TMEM170B: variants seen among roughly 807,000 people sequenced by gnomAD.
The protein encoded by TMEM170B is transmembrane protein 170B.
In TMEM170B, 6 loss-of-function variants were observed where a neutral mutation model predicts 13.0. The ratio of observed to expected loss-of-function variants is 0.46; its 90% CI spans 0.25 to 0.91. The LOEUF is 0.91. Ranked by LOEUF, TMEM170B falls within the 40% of genes least tolerant of loss-of-function variation. The pLI, the probability that TMEM170B is intolerant of heterozygous loss-of-function variation, is 0.17. For missense variants in TMEM170B, 138 were observed against 165.2 expected, an observed-to-expected ratio of 0.84 and a Z score of 0.90; for synonymous variants, 61 against 64.9, an observed-to-expected ratio of 0.94 and a Z score of 0.29.
In TMEM170B at chr6:11,575,662, G is replaced by A; in HGVS notation, c.*101G>A. On this transcript the variant is annotated 3_prime_UTR_variant, in exon 3 of 3. Transcript: ENST00000379426. The surrounding 1 kb of genome is among the most constrained non-coding windows in gnomAD (Gnocchi z 4.1). The stretch of plus-strand genomic sequence containing the variant: ...TGGAAATGAAATTGTGCAAGAATGT[G>A]GACTGAGCAGGTCAAAGCATAAGGA... 1.4e-6 allele frequency: 2 copies of A among 1,423,572 alleles called. No individual in the cohort carries two copies. Among genetic ancestry groups the A allele is most frequent in the East Asian group, 2.3e-5 (1 of 43,510 alleles). The allele number at this position is 1,423,572 out of a possible 1,614,324, so 88.2% of individuals were successfully genotyped here. A position where few individuals can be genotyped will look rare whatever the true frequency, so the allele number is the denominator to read the frequency against.
At chr6:11,572,444 AT>A (rs1237625035) in intron 2 of TMEM170B, among the ~76,000 whole-genome samples, 1 of 152,110 alleles carries the variant, frequency 6.6e-6, no homozygotes, top group Non-Finnish European at 1.5e-5. Flanking sequence ...TAACTTTTTC[AT>A]TGTATACCAA....
chr6:11,554,051 T>C (rs1759557960), intron 1 of TMEM170B, among the ~76,000 whole-genome samples: 1 of 152,186 alleles, frequency 6.6e-6, no homozygotes, highest in Non-Finnish European at 1.5e-5. Context: ...TCCCTGGTTA[T>C]GCTTGTATTT....
chr6:11,542,905 A>G (rs977741971), intron 1 of TMEM170B, among the ~76,000 whole-genome samples: 6 of 152,206 alleles, frequency 3.9e-5, no homozygotes, highest in Non-Finnish European at 8.8e-5. Context: ...AACTCTTCAA[A>G]GTACATTTGA....
intron 1 of TMEM170B, among the ~76,000 whole-genome samples, chr6:11,558,167 G>C: frequency 6.6e-6 from 1 of 152,090 alleles, no homozygotes; most frequent in Non-Finnish European, 1.5e-5. Flanking sequence ...TTTAAAAGGA[G>C]ATATGATTCT....
intron 1 of TMEM170B, among the ~76,000 whole-genome samples, chr6:11,539,778 A>G (rs1010016255): frequency 1.3e-5 from 2 of 152,216 alleles, no homozygotes; most frequent in African/African-American, 4.8e-5. Context: ...GCTTGCATTT[A>G]TCCACTGTTT....
intron 2 of TMEM170B, among the ~76,000 whole-genome samples, chr6:11,573,330 C>T (rs949420097): frequency 6.6e-6 from 1 of 152,056 alleles, no homozygotes; most frequent in African/African-American, 2.4e-5. Context: ...TTTGAAATGG[C>T]TACCAGTCAT....
rs1759910343 is a variant in TMEM170B, at chr6:11,578,635, G to A, written c.*3074G>A. ...AGTCCTAAATGATGGCTATCTTCAG[G>A]GCCTGGAGCAGAATTATTCTTTAGA... On this transcript the variant is annotated 3_prime_UTR_variant, in exon 3 of 3. Transcript: ENST00000379426. 6.6e-6 allele frequency: 1 copy of A among 152,060 alleles called. No homozygotes were observed. Among genetic ancestry groups the A allele is most frequent in the Non-Finnish European group, 1.5e-5 (1 of 67,978 alleles). 9.4% of individuals were successfully genotyped at this position (152,060 alleles called of 1,614,324 possible). A position where few individuals can be genotyped will look rare whatever the true frequency, so the allele number is the denominator to read the frequency against.
rs11292699 is a variant in TMEM170B, at chr6:11,560,330, ATTT to A, written c.98-5322_98-5320del. Among the ~76,000 whole-genome samples, 174 of 139,828 alleles carry A rather than the reference ATTT, an allele frequency of 1.2e-3. 3 individuals are homozygous for A. The East Asian group carries it at 0.027, about 22-fold the overall frequency. The allele number at this position is 139,828 out of a possible 152,430, so 91.7% of individuals were successfully genotyped here. The stretch of plus-strand genomic sequence containing the variant: ...CAGGTGCCCGCCACCACGCCCAGCT[ATTT>A]TTTTTTTTTTTTTAATTTTTAGTAG... On this transcript the variant is annotated intron_variant, in intron 1 of 2. Coordinates refer to ENST00000379426, the MANE Select transcript of TMEM170B (RefSeq NM_001100829.3).
chr6:11,575,482 T>C lies in TMEM170B; in HGVS notation c.320T>C (p.Leu107Ser). 2 of 1,613,566 alleles carry C rather than the reference T, an allele frequency of 1.2e-6. No homozygotes were observed. Among genetic ancestry groups the C allele is most frequent in the Non-Finnish European group, 1.7e-6 (2 of 1,179,616 alleles). The change falls in exon 3 of 3, where the codon TTG becomes TCG. Residue 107 changes from leucine (L) to serine (S), a missense_variant. Leu to Ser is a moderately radical substitution (Grantham distance 145). Transcript: ENST00000379426. This position sits in a 1 kb window ranked among gnomAD's most constrained non-coding sequence, Gnocchi z 4.1. ...GTAGCTGGGAAGAACATGGCCCCTT[T>C]GGAAGCGCTGGTATGGGGCGTTGGA... ...YRVAGKNMAP[L>S]EALVWGVGQT...
At position 11,575,074 on chromosome 6, in the gene TMEM170B, G is replaced by A. The variant is rs540836161; in HGVS notation, c.269-357G>A. ...CTTGTAATTATCAGTATGTTATACT[G>A]TATGTTTACAAAAATGCTAAAGAGG... is the stretch of plus-strand genomic sequence containing the variant. On this transcript the variant is annotated intron_variant, in intron 2 of 2. Coordinates refer to ENST00000379426, the MANE Select transcript of TMEM170B (RefSeq NM_001100829.3). The surrounding 1 kb of genome is among the most constrained non-coding windows in gnomAD (Gnocchi z 4.1). 3.9e-4 allele frequency among the ~76,000 whole-genome samples: 60 copies of A among 151,938 alleles called. No individual in the cohort carries two copies. Among genetic ancestry groups the A allele is most frequent in the African/African-American group, 1.3e-3 (55 of 41,452 alleles).
chr6:11,558,477 C>A (rs941145312), intron 1 of TMEM170B, among the ~76,000 whole-genome samples: 4 of 152,098 alleles, frequency 2.6e-5, no homozygotes, highest in Non-Finnish European at 5.9e-5. Context: ...TAAATTTGGG[C>A]AACTTTAAAA....
chr6:11,566,873 C>T (rs1428411089), intron 2 of TMEM170B, among the ~76,000 whole-genome samples: 1 of 152,216 alleles, frequency 6.6e-6, no homozygotes, highest in African/African-American at 2.4e-5. Flanking sequence ...GGCTTTCTTC[C>T]GTTTTCCGGT....
chr6:11,570,931 C>T (rs1759789954), intron 2 of TMEM170B, among the ~76,000 whole-genome samples: 2 of 152,118 alleles, frequency 1.3e-5, no homozygotes, highest in African/African-American at 2.4e-5. Context: ...AAATGTTAAT[C>T]TCTGGATTTT....
At chr6:11,548,237 G>GA (rs950483143) in intron 1 of TMEM170B, among the ~76,000 whole-genome samples, 6 of 151,910 alleles carry the variant, frequency 3.9e-5, no homozygotes, top group Admixed American at 1.3e-4. Context: ...AAATTTACAA[G>GA]AAAAAAACCC....
Position 11,575,606 on chromosome 6 carries a change from C to T in TMEM170B, c.*45C>T. 6.2e-7 allele frequency: 1 copy of T among 1,604,264 alleles called. No homozygotes were observed. The highest frequency in any genetic ancestry group is 8.5e-7 in the Non-Finnish European group (1 of 1,173,318). On this transcript the variant is annotated 3_prime_UTR_variant, in exon 3 of 3. Transcript: ENST00000379426. This position sits in a 1 kb window ranked among gnomAD's most constrained non-coding sequence, Gnocchi z 4.1. Reference sequence around the variant, plus strand: ...TACTTCACATAAGGAAACAGATGTACAGATTCCCTGAAAACGGCATTGTTA... The same window carrying T: ...TACTTCACATAAGGAAACAGATGTATAGATTCCCTGAAAACGGCATTGTTA...
At chr6:11,572,099 T>A (rs1372433304) in intron 2 of TMEM170B, among the ~76,000 whole-genome samples, 1 of 152,176 alleles carries the variant, frequency 6.6e-6, no homozygotes, top group Non-Finnish European at 1.5e-5. Flanking sequence ...AGAAAAATAA[T>A]TTGGCACTAT....
At chr6:11,574,101 C>T (rs1304848027) in intron 2 of TMEM170B, among the ~76,000 whole-genome samples, 2 of 152,058 alleles carry the variant, frequency 1.3e-5, no homozygotes. Context: ...AATCCCGGCT[C>T]TTGTACTTGC....
At chr6:11,544,671 C>T (rs1471180413) in intron 1 of TMEM170B, among the ~76,000 whole-genome samples, 2 of 152,164 alleles carry the variant, frequency 1.3e-5, no homozygotes, top group Non-Finnish European at 2.9e-5. Context: ...GCATACTAAT[C>T]CCTCGAAACC....
At position 11,577,454 on chromosome 6, in the gene TMEM170B, G is replaced by A. The variant is rs971290590; in HGVS notation, c.*1893G>A. ...TTTTCTTTTCTGCCAGACTTGAATT[G>A]TGTTCTTCTTTTACTTTGGCTATTC... On this transcript the variant is annotated 3_prime_UTR_variant, in exon 3 of 3. Transcript: ENST00000379426. 9 of 151,922 alleles carry A rather than the reference G, an allele frequency of 5.9e-5. No individual in the cohort carries two copies. Among genetic ancestry groups the A allele is most frequent in the Admixed American group, 3.9e-4 (6 of 15,242 alleles). 9.4% of individuals were successfully genotyped at this position (151,922 alleles called of 1,614,324 possible). A position where few individuals can be genotyped will look rare whatever the true frequency, so the allele number is the denominator to read the frequency against.
Sources: allele counts gnomAD v4.1 joint callset (sites outside exome capture counted in the v4.1 genomes callset), GRCh38; gene constraint gnomAD v4.1.1; non-coding constraint Gnocchi (gnomAD v3.1); transcripts MANE v1.5; gene names NCBI Gene and HGNC (gene_info 2026-07-23, HGNC 2026-07-21).